The following GALNT5 variants were observed in gnomAD, a reference collection of about 807,000 sequenced individuals.
The protein encoded by GALNT5 is UDP-GalNAc:polypeptide N-acetylgalactosaminyltransferase 5.
A neutral mutation model predicts 85.4 loss-of-function variants in GALNT5; 72 were observed. The ratio of observed to expected loss-of-function variants is 0.84; its 90% CI spans 0.70 to 1.03. The LOEUF (loss-of-function observed/expected upper bound fraction) is 1.03, where lower values mean the gene tolerates loss of function less well. Among genes scored for constraint, GALNT5 ranks in the 50% least tolerant of loss-of-function variants. GALNT5 has a pLI of 0.00. For missense variants in GALNT5, 1,137 were observed against 1,135.5 expected (o/e 1.00, Z -0.02); for synonymous variants, 404 against 397.0 (o/e 1.02, Z -0.21).
Position 157,313,185 on chromosome 2 carries a change from T to C in GALNT5, c.*1837T>C, listed in dbSNP as rs891931803. ...TGACATTGGTCCCAAAAGATTATAT[T>C]AATAATATGGTATCTTTAGTGTGCT... is the stretch of plus-strand genomic sequence containing the variant. On this transcript the variant is annotated 3_prime_UTR_variant, in exon 10 of 10. Coordinates refer to ENST00000259056, the MANE Select transcript of GALNT5 (RefSeq NM_014568.3). The C allele has an allele frequency of 3.3e-5, 5 of 152,172 alleles. No homozygotes were observed. Among genetic ancestry groups the C allele is most frequent in the African/African-American group, 2.4e-5 (1 of 41,454 alleles). 9.4% of individuals were successfully genotyped at this position (152,172 alleles called of 1,614,324 possible).
At chr2:157,270,337 C>A (rs1470530838) in intron 1 of GALNT5, among the ~76,000 whole-genome samples, 1 of 152,168 alleles carries the variant, frequency 6.6e-6, no homozygotes, top group Non-Finnish European at 1.5e-5. Flanking sequence ...ATTTTGGCAT[C>A]TCCAGTTTCA....
At position 157,296,499 on chromosome 2, in the gene GALNT5, A is replaced by C; in HGVS notation, c.1983A>C (p.Glu661Asp). 6.2e-7 allele frequency: 1 copy of C among 1,609,578 alleles called. No individual in the cohort carries two copies. Among genetic ancestry groups the C allele is most frequent in the African/African-American group, 1.3e-5 (1 of 74,952 alleles). ...PDVIAKNRIK[E>D]TDTIRCPVMA... The stretch of plus-strand genomic sequence containing the variant: ...TCATTGCAAAAAACAGAATTAAAGA[A>C]ACTGATACAATAAGGTAAGTGTGGG... The change falls in exon 5 of 10, where the codon GAA (glutamate) becomes GAC (aspartate). Residue 661 changes from glutamate to aspartate, a missense_variant. Glu to Asp is a conservative substitution (Grantham distance 45). Transcript: ENST00000259056.
chr2:157,273,975 GC>G (rs977687324), intron 1 of GALNT5, among the ~76,000 whole-genome samples: 9 of 151,570 alleles, frequency 5.9e-5, no homozygotes, highest in African/African-American at 1.7e-4. Context: ...CCCTCCTCCA[GC>G]CCCCCACCCC....
rs755049911 is a variant in GALNT5, at chr2:157,258,755, G to C, written c.673G>C (p.Asp225His). The change falls in exon 1 of 10, where the codon GAT (aspartate) becomes CAT (histidine). Residue 225 changes from aspartate (D) to histidine (H), a missense_variant. Asp to His is a moderately conservative substitution (Grantham distance 81). Transcript: ENST00000259056. ...DLNVTISLSTDRPKQRSQAVA... is the reference protein window; with the variant it reads ...DLNVTISLSTHRPKQRSQAVA... The stretch of plus-strand genomic sequence containing the variant: ...GAATGTGACCATCAGTCTTAGTACT[G>C]ATAGACCAAAGCAGCGATCACAGGC... 4 of 1,612,230 alleles carry C rather than the reference G, an allele frequency of 2.5e-6. No homozygotes were observed. Among genetic ancestry groups the C allele is most frequent in the Non-Finnish European group, 3.4e-6 (4 of 1,178,788 alleles).
chr2:157,300,076 T>A (rs1387825526), intron 6 of GALNT5, among the ~76,000 whole-genome samples: 1 of 152,212 alleles, frequency 6.6e-6, no homozygotes, highest in African/African-American at 2.4e-5. Flanking sequence ...CTAAAGCAGG[T>A]CACCAACAGG....
At position 157,295,649 on chromosome 2, in the gene GALNT5, G is replaced by A. The variant is rs376711025; in HGVS notation, c.1742-14G>A. 215 of 1,608,274 alleles carry A rather than the reference G, an allele frequency of 1.3e-4. No individual in the cohort carries two copies. Among genetic ancestry groups the A allele is most frequent in the Non-Finnish European group, 1.7e-4 (203 of 1,177,042 alleles). On this transcript the variant is annotated splice_polypyrimidine_tract_variant and intron_variant, in intron 3 of 9. Transcript: ENST00000259056. ...CGTATTTTCTAAGTTTTTTGTGTGT[G>A]TTTGGCCCTCTAGGTGATGTGTTGA...
chr2:157,311,344 C>T lies in GALNT5; in HGVS notation c.2819C>T (p.Ala940Val), dbSNP rs149833454. The change falls in exon 10 of 10, where the codon GCC becomes GTC. Residue 940 changes from alanine (A) to valine (V), a missense_variant. Ala to Val is a moderately conservative substitution (Grantham distance 64). Coordinates refer to ENST00000259056, the MANE Select transcript of GALNT5 (RefSeq NM_014568.3). ...QKWKFEKYYE[A>V] The stretch of plus-strand genomic sequence containing the variant: ...TGGAAATTTGAAAAATATTATGAAG[C>T]CTGAAGTGTAACTGATGTTTTTATA... 2,698 of 1,595,322 alleles carry T rather than the reference C, an allele frequency of 1.7e-3. 7 individuals are homozygous for T. Among genetic ancestry groups the T allele is most frequent in the Non-Finnish European group, 1.9e-3 (2,172 of 1,168,674 alleles).
At chr2:157,291,125 G>T (rs900702715) in intron 3 of GALNT5, among the ~76,000 whole-genome samples, 2 of 152,174 alleles carry the variant, frequency 1.3e-5, no homozygotes, top group Non-Finnish European at 2.9e-5. Context: ...TATCAGGGAA[G>T]AAGTAGATCA....
At position 157,286,045 on chromosome 2, in the gene GALNT5, T is replaced by A. The variant is rs142828403; in HGVS notation, c.1652T>A (p.Met551Lys). The change falls in exon 3 of 10, where the codon ATG (methionine) becomes AAG (lysine). Residue 551 changes from methionine to lysine, a missense_variant. Physicochemically the swap from Met to Lys is moderately conservative, Grantham distance 95 (BLOSUM62 -1). Transcript: ENST00000259056. ...DYLKDNLDKY[M>K]SQFPKVRILR... ...CTAAAAGATAATTTGGATAAATACATGTCCCAGTTTCCAAAAGTTCGGATT... is the reference window on the plus strand; with the variant it reads ...CTAAAAGATAATTTGGATAAATACAAGTCCCAGTTTCCAAAAGTTCGGATT... 1 of 1,601,790 alleles carries A rather than the reference T, an allele frequency of 6.2e-7. No homozygotes were observed. The highest frequency in any genetic ancestry group is 8.6e-7 in the Non-Finnish European group (1 of 1,168,692).
Position 157,259,334 on chromosome 2 carries a change from A to C in GALNT5, c.1252A>C (p.Ser418Arg). 1.3e-6 allele frequency: 2 copies of C among 1,566,962 alleles called. No homozygotes were observed. The highest frequency in any genetic ancestry group is 2.4e-5 in the South Asian group (2 of 81,926). Reference sequence around the variant, plus strand: ...TATAAAAGCCCTTTTACCTGAAGACAGTGGAACGCACCAGGTGTTAAGAAT... The same window carrying C: ...TATAAAAGCCCTTTTACCTGAAGACCGTGGAACGCACCAGGTGTTAAGAAT... ...SHIKALLPED[S>R]GTHQVLRIDV... is the part of the protein sequence containing the mutation. The change falls in exon 1 of 10, where the codon AGT (serine) becomes CGT (arginine). Residue 418 changes from serine (S) to arginine (R), a missense_variant. Physicochemically the swap from Ser to Arg is moderately radical, Grantham distance 110. Coordinates refer to ENST00000259056, the MANE Select transcript of GALNT5 (RefSeq NM_014568.3).
chr2:157,277,951 G>A (rs1038474607), intron 1 of GALNT5, among the ~76,000 whole-genome samples: 2 of 152,182 alleles, frequency 1.3e-5, no homozygotes, highest in Non-Finnish European at 2.9e-5. Flanking sequence ...TTTTTGCAGT[G>A]GCTGGTACCA....
In GALNT5 at chr2:157,308,668, TA is replaced by T; in HGVS notation, c.2624del (p.Asn875ThrfsTer6). The T allele has an allele frequency of 6.2e-7, 1 of 1,613,890 alleles. No individual in the cohort carries two copies. The highest frequency in any genetic ancestry group is 8.5e-7 in the Non-Finnish European group (1 of 1,179,826). On this transcript the variant is annotated frameshift_variant, in exon 9 of 10. Coordinates refer to ENST00000259056, the MANE Select transcript of GALNT5 (RefSeq NM_014568.3). LOFTEE classifies it high-confidence loss of function. ...KGAVRLHPCDNRNKGLKWLHK... is the reference protein window; with the variant it reads ...KGAVRLHPCDXRNKGLKWLHK... ...GAGCCGTAAGGCTGCACCCTTGTGA[TA>T]ACAGAAACAAAGGGCTAAAATGGCT...
rs1401939890 is a variant in GALNT5, at chr2:157,285,998, T to C, written c.1622-17T>C. The C allele has an allele frequency of 6.3e-7, 1 of 1,585,602 alleles. No homozygotes were observed. The highest frequency in any genetic ancestry group is 8.7e-7 in the Non-Finnish European group (1 of 1,155,392). ...CTTAATTCAAGTATTTCCTGGTTTA[T>C]CTTTACTCTGATGTAGACTATCTAA... On this transcript the variant is annotated splice_polypyrimidine_tract_variant and intron_variant, in intron 2 of 9. Coordinates refer to ENST00000259056, the MANE Select transcript of GALNT5 (RefSeq NM_014568.3).
At chr2:157,294,574 G>A (rs1162519555) in intron 3 of GALNT5, among the ~76,000 whole-genome samples, 1 of 152,072 alleles carries the variant, frequency 6.6e-6, no homozygotes, top group Non-Finnish European at 1.5e-5. Context: ...CCGAGTGGAG[G>A]GTCTGAGACC....
At chr2:157,309,237 T>C (rs915568614) in intron 9 of GALNT5, among the ~76,000 whole-genome samples, 1 of 152,196 alleles carries the variant, frequency 6.6e-6, no homozygotes. Context: ...TCTCACCAGC[T>C]CGCTGGAGCC....
In GALNT5 at chr2:157,311,252, G is replaced by C. The variant is rs150659301; in HGVS notation, c.2727G>C (p.Leu909Phe). ...VFENNQQLLCLEGNFSQKILK... is the reference protein window; with the variant it reads ...VFENNQQLLCFEGNFSQKILK... ...AAAACAATCAGCAATTATTATGCTT[G>C]GAAGGAAATTTTTCTCAAAAGATCC... Residue 909 changes from leucine (L) to phenylalanine (F), a missense_variant, in exon 10 of 10, where the codon TTG (leucine) becomes TTC (phenylalanine). By Grantham distance (22) the Leu-to-Phe change is conservative (BLOSUM62 0). Coordinates refer to ENST00000259056, the MANE Select transcript of GALNT5 (RefSeq NM_014568.3). 1.0e-4 allele frequency: 161 copies of C among 1,609,626 alleles called. No homozygotes were observed. Among genetic ancestry groups the C allele is most frequent in the Non-Finnish European group, 1.2e-4 (143 of 1,176,668 alleles).
chr2:157,291,320 C>T (rs991035710), intron 3 of GALNT5, among the ~76,000 whole-genome samples: 54 of 152,286 alleles, frequency 3.5e-4, no homozygotes, highest in African/African-American at 1.3e-3. Context: ...CTTTAAGTAA[C>T]TGGACAAGTG....
rs1683591443 is a variant in GALNT5 at position 157,312,253 on chromosome 2, T to A, written c.*905T>A. Reference sequence around the variant, plus strand: ...AAGCAGAAATAGAGCTGCTGAAAGTTTCTTTTATATAAAAATAATAAAATA... The same window carrying A: ...AAGCAGAAATAGAGCTGCTGAAAGTATCTTTTATATAAAAATAATAAAATA... On this transcript the variant is annotated 3_prime_UTR_variant, in exon 10 of 10. Coordinates refer to ENST00000259056, the MANE Select transcript of GALNT5 (RefSeq NM_014568.3). The A allele has an allele frequency of 6.6e-6, 1 of 152,150 alleles. No homozygotes were observed. Among genetic ancestry groups the A allele is most frequent in the Non-Finnish European group, 1.5e-5 (1 of 68,016 alleles). The allele number at this position is 152,150 out of a possible 1,614,324, so 9.4% of individuals were successfully genotyped here.
intron 1 of GALNT5, 34 bp from the exon 2 acceptor site, chr2:157,284,248 A>C (rs1250784138): frequency 6.3e-7 from 1 of 1,598,060 alleles, no homozygotes; most frequent in Non-Finnish European, 8.6e-7. Context: ...TCTCCTTAGC[A>C]CATCTCTTGT....
Sources: gnomAD v4.1 joint callset for allele counts (sites outside exome capture counted in the v4.1 genomes callset) on GRCh38, gnomAD v4.1.1 for gene constraint, MANE v1.5 for transcripts, NCBI Gene and HGNC (gene_info 2026-07-23, HGNC 2026-07-21) for gene names.